The following ZNF257 variants were observed in gnomAD, a reference collection of about 807,000 sequenced individuals.
ZNF257 encodes the protein bone marrow zinc finger 4.
ZNF257 carries 12 observed loss-of-function variants against 11.9 expected under a neutral mutation model. The ratio of observed to expected loss-of-function variants is 1.01; its 90% CI spans 0.65 to 1.63. The LOEUF is 1.63. Among genes scored for constraint, ZNF257 ranks in the 40% most tolerant of loss-of-function variants. The pLI is 0.00. For missense variants in ZNF257, 580 were observed against 665.5 expected (o/e 0.87, Z 1.41); for synonymous variants, 183 against 222.7 (o/e 0.82, Z 1.59).
At chr19:22,087,495 C>T in intron 3 of ZNF257, 1 of 1,123,532 alleles carries the variant, frequency 8.9e-7, no homozygotes, top group Non-Finnish European at 1.1e-6. Flanking sequence ...TCAGCAGTCT[C>T]AAATTGTCAT....
chr19:22,055,414 C>T (rs1290406957), intron 1 of ZNF257, among the ~76,000 whole-genome samples: 1 of 152,058 alleles, frequency 6.6e-6, no homozygotes, highest in Non-Finnish European at 1.5e-5. Flanking sequence ...CCATGTTGGC[C>T]AGGCTGGTCT....
chr19:22,052,801 G>T (rs1057467331), intron 1 of ZNF257, among the ~76,000 whole-genome samples, 166 bp downstream of exon 1: 2 of 152,110 alleles, frequency 1.3e-5, no homozygotes, highest in African/African-American at 4.8e-5. Flanking sequence ...TAAGATGGCG[G>T]CTGCGCTGAC....
At chr19:22,075,529 C>T (rs1269551518) in intron 3 of ZNF257, 1 of 152,238 alleles carries the variant, frequency 6.6e-6, no homozygotes, top group Non-Finnish European at 1.5e-5. Context: ...CTCTCCCAGA[C>T]TGCGGCTGAA....
chr19:22,088,249 C>T lies in ZNF257; in HGVS notation c.499C>T (p.His167Tyr). 2 of 1,612,894 alleles carry T rather than the reference C, an allele frequency of 1.2e-6. No individual in the cohort carries two copies. The highest frequency in any genetic ancestry group is 1.7e-6 in the Non-Finnish European group (2 of 1,179,466). Residue 167 changes from histidine (H) to tyrosine (Y), a missense_variant, in exon 4 of 4, where the codon CAT (histidine) becomes TAT (tyrosine). Transcript: ENST00000594947. ...AAATTCAGATAGACATAAGATAAGA[C>T]ATACTGAAAAGAAAACTTGCAAATG... ...FSNSDRHKIR[H>Y]TEKKTCKCKE...
At chr19:22,059,488 T>TG (rs1644213902) in intron 1 of ZNF257, among the ~76,000 whole-genome samples, 1 of 151,982 alleles carries the variant, frequency 6.6e-6, no homozygotes, top group South Asian at 2.1e-4. Context: ...GGTTTCACCA[T>TG]GTTGGCCAGG....
Position 22,089,396 on chromosome 19 carries a change from G to A in ZNF257, c.1646G>A (p.Gly549Asp). 2 of 1,612,402 alleles carry A rather than the reference G, an allele frequency of 1.2e-6. No homozygotes were observed. Among genetic ancestry groups the A allele is most frequent in the African/African-American group, 1.3e-5 (1 of 74,868 alleles). Residue 549 changes from glycine (G) to aspartate (D), a missense_variant, in exon 4 of 4, where the codon GGC becomes GAC. By Grantham distance (94) the Gly-to-Asp change is moderately conservative. Transcript: ENST00000594947. ...AACCCCAACAAATATGAAGAATGTG[G>A]CAAAGCTTGTAACCATTCCTCAAAC... Reference protein sequence around the residue: ...GENPNKYEECGKACNHSSNLT... With the variant: ...GENPNKYEECDKACNHSSNLT...
At chr19:22,073,370 T>C (rs1241715088) in intron 2 of ZNF257, 99 bp from the exon 3 acceptor site, 11 of 1,299,310 alleles carry the variant, frequency 8.5e-6, no homozygotes, top group African/African-American at 1.6e-5. Context: ...GGCATAAATG[T>C]ATTAGAATAT....
chr19:22,076,529 G>A (rs1240961570), intron 3 of ZNF257, among the ~76,000 whole-genome samples: 2 of 151,616 alleles, frequency 1.3e-5, no homozygotes, highest in African/African-American at 4.9e-5. Flanking sequence ...TCAATGATTC[G>A]AAATACCTGC....
chr19:22,069,914 A>G (rs2022059518), intron 1 of ZNF257, among the ~76,000 whole-genome samples: 1 of 152,148 alleles, frequency 6.6e-6, no homozygotes, highest in Non-Finnish European at 1.5e-5. Context: ...CCAGTGGCAC[A>G]GAGAACAAAT....
In ZNF257 at chr19:22,088,974, T is replaced by C. The variant is rs1400683157; in HGVS notation, c.1224T>C (p.Ala408=). ...KAYKCDEYCK[A]FNWSSALTTL... is the part of the protein sequence containing the mutation. ...ACAAATGTGATGAATATTGCAAAGC[T>C]TTTAACTGGTCCTCAGCTCTTACTA... The change falls in exon 4 of 4, where the codon GCT becomes GCC. Residue 408 remains alanine, a synonymous_variant. Transcript: ENST00000594947. 6.2e-7 allele frequency: 1 copy of C among 1,607,088 alleles called. No individual in the cohort carries two copies. Among genetic ancestry groups the C allele is most frequent in the Non-Finnish European group, 8.5e-7 (1 of 1,177,892 alleles).
chr19:22,084,106 C>A (rs1474625875), intron 3 of ZNF257, among the ~76,000 whole-genome samples: 1 of 150,228 alleles, frequency 6.7e-6, no homozygotes, highest in Admixed American at 6.6e-5. Context: ...CGCCATCGCA[C>A]TCCAGCCTGG....
rs754578064 is a variant in ZNF257 at position 22,089,122 on chromosome 19, C to G, written c.1372C>G (p.Pro458Ala). ...RHKIIHTGEKPYKCEECGKAF... is the reference protein window; with the variant it reads ...RHKIIHTGEKAYKCEECGKAF... ...TAAGATAATTCATACTGGAGAGAAA[C>G]CCTACAAATGTGAAGAGTGTGGCAA... The change falls in exon 4 of 4, where the codon CCC becomes GCC. Residue 458 changes from proline to alanine, a missense_variant. Coordinates refer to ENST00000594947, the MANE Select transcript of ZNF257 (RefSeq NM_033468.4). 29 of 1,613,780 alleles carry G rather than the reference C, an allele frequency of 1.8e-5. 1 individual carries two copies. The South Asian group carries it at 3.0e-4, about 17-fold the overall frequency.
In ZNF257 at chr19:22,089,573, A is replaced by G; in HGVS notation, c.*131A>G. ...AAGAACGTGGCCTGGCTTTTAACAA[A>G]TCCTCAACATTTACTAAGCATAAAA... is the stretch of plus-strand genomic sequence containing the variant. On this transcript the variant is annotated 3_prime_UTR_variant, in exon 4 of 4. Transcript: ENST00000594947. 6.8e-7 allele frequency: 1 copy of G among 1,466,238 alleles called. No individual in the cohort carries two copies. Among genetic ancestry groups the G allele is most frequent in the Non-Finnish European group, 9.0e-7 (1 of 1,114,246 alleles). 90.8% of individuals were successfully genotyped at this position (1,466,238 alleles called of 1,614,324 possible). A position where few individuals can be genotyped will look rare whatever the true frequency, so the allele number is the denominator to read the frequency against.
In ZNF257 at chr19:22,088,232, A is replaced by T. The variant is rs2022523493; in HGVS notation, c.482A>T (p.Asp161Val). ...GTCTTCTATAAGTTTTCAAATTCAG[A>T]TAGACATAAGATAAGACATACTGAA... Reference protein sequence around the residue: ...VKVFYKFSNSDRHKIRHTEKK... With the variant: ...VKVFYKFSNSVRHKIRHTEKK... Residue 161 changes from aspartate to valine, a missense_variant, in exon 4 of 4, where the codon GAT (aspartate) becomes GTT (valine). By Grantham distance (152) the Asp-to-Val change is radical. Transcript: ENST00000594947. The T allele has an allele frequency of 6.2e-7, 1 of 1,609,350 alleles. No homozygotes were observed. Among genetic ancestry groups the T allele is most frequent in the South Asian group, 1.1e-5 (1 of 90,536 alleles).
At chr19:22,078,891 C>G (rs2022294590) in intron 3 of ZNF257, among the ~76,000 whole-genome samples, 2 of 150,466 alleles carry the variant, frequency 1.3e-5, no homozygotes, top group Non-Finnish European at 2.9e-5. Context: ...CTCCCGGGTT[C>G]AAGTGATTCT....
chr19:22,068,642 G>A (rs2022023386), intron 1 of ZNF257, among the ~76,000 whole-genome samples: 1 of 152,164 alleles, frequency 6.6e-6, no homozygotes, highest in South Asian at 2.1e-4. Flanking sequence ...GGATCCTGGT[G>A]TAAACAGAAT....
At chr19:22,052,894 C>T (rs1407586650) in intron 1 of ZNF257, among the ~76,000 whole-genome samples, 1 of 152,098 alleles carries the variant, frequency 6.6e-6, no homozygotes, top group Non-Finnish European at 1.5e-5. Flanking sequence ...GCTCTGCACC[C>T]GCAGCGCCGA....
At chr19:22,080,522 A>G (rs1309363572) in intron 3 of ZNF257, among the ~76,000 whole-genome samples, 1 of 151,484 alleles carries the variant, frequency 6.6e-6, no homozygotes, top group Admixed American at 6.6e-5. Context: ...GCTTTTTGAG[A>G]CCCTCACCAG....
chr19:22,073,139 T>C (rs1245179739), intron 2 of ZNF257, among the ~76,000 whole-genome samples: 1 of 152,128 alleles, frequency 6.6e-6, no homozygotes, highest in South Asian at 2.1e-4. Flanking sequence ...AGGTTTCACC[T>C]TGAACTGAAC....
Sources: gnomAD v4.1 joint callset for allele counts (sites outside exome capture counted in the v4.1 genomes callset) on GRCh38, gnomAD v4.1.1 for gene constraint, MANE v1.5 for transcripts, NCBI Gene and HGNC (gene_info 2026-07-23, HGNC 2026-07-21) for gene names.